Variants in TENM4 observed in about 807,000 individuals in gnomAD.
TENM4 encodes teneurin transmembrane protein 4.
A neutral mutation model predicts 243.3 loss-of-function variants in TENM4; 82 were observed. That is an observed-to-expected ratio of 0.34 (90% CI 0.28 to 0.40). TENM4 has a LOEUF of 0.40. Among genes scored for constraint, TENM4 ranks in the 10% least tolerant of loss-of-function variants. TENM4 has a pLI of 1.00. For synonymous variants in TENM4, 1,412 were observed against 1,456.3 expected (o/e 0.97, Z 0.69); for missense variants, 3,138 against 3,673.3 (o/e 0.85, Z 3.77).
At chr11:78,995,968 C>T (rs574506865) in intron 6 of TENM4, among the ~76,000 whole-genome samples, 1 of 152,132 alleles carries the variant, frequency 6.6e-6, no homozygotes, top group African/African-American at 2.4e-5. Context: ...TGAGCCTAAA[C>T]TGAGATCGCT....
rs535105837 is a variant in TENM4, at chr11:79,146,974, CACAA to C, written c.-66+1732_-66+1735del. ...AGGGTCAAAGATTCACACACATATGCACAAACACACACGTGTGCATGCACACACA... is the reference window on the plus strand; with the variant it reads ...AGGGTCAAAGATTCACACACATATGCACACACACGTGTGCATGCACACACA... On this transcript the variant is annotated intron_variant, in intron 4 of 33. Transcript: ENST00000278550. Among the ~76,000 whole-genome samples the C allele has an allele frequency of 2.9e-3, 448 of 152,220 alleles. 3 individuals carry two copies. The highest frequency in any genetic ancestry group is 0.01 in the African/African-American group (422 of 41,550).
At chr11:78,964,170 G>A (rs369721375) in intron 6 of TENM4, among the ~76,000 whole-genome samples, 1 of 151,398 alleles carries the variant, frequency 6.6e-6, no homozygotes. Context: ...AGCCTCCTGA[G>A]TAGCTGGGAC....
Position 78,708,527 on chromosome 11 carries a change from G to T in TENM4, c.4055-12C>A. 1.1e-5 allele frequency: 17 copies of T among 1,612,866 alleles called. No individual in the cohort carries two copies. Among genetic ancestry groups the T allele is most frequent in the Non-Finnish European group, 1.4e-5 (17 of 1,179,396 alleles). ...GTCCACTGTAATGCCTGGGGGCAGA[G>T]AAGCCAAAACAGGAACTCAGCATCA... On this transcript the variant is annotated splice_polypyrimidine_tract_variant and intron_variant, in intron 26 of 33. Transcript: ENST00000278550.
chr11:79,361,764 A>G (rs1284160525), intron 1 of TENM4, among the ~76,000 whole-genome samples: 1 of 151,640 alleles, frequency 6.6e-6, no homozygotes, highest in Non-Finnish European at 1.5e-5. Flanking sequence ...AAATATCGCA[A>G]CAGAAAAAAA....
At chr11:79,083,181 T>TGGAGGTGGGGC (rs1168862911) in intron 4 of TENM4, among the ~76,000 whole-genome samples, 7 of 152,082 alleles carry the variant, frequency 4.6e-5, no homozygotes, top group African/African-American at 1.7e-4. Context: ...GCTGCTGGGG[T>TGGAGGTGGGGC]GGAGGTGGGG....
At chr11:78,703,930 C>T (rs1790851693) in intron 27 of TENM4, among the ~76,000 whole-genome samples, 1 of 151,038 alleles carries the variant, frequency 6.6e-6, no homozygotes, top group African/African-American at 2.4e-5. Flanking sequence ...TGACTCACTG[C>T]AGCCTCCACC....
intron 5 of TENM4, among the ~76,000 whole-genome samples, chr11:79,065,673 C>T (rs997693913): frequency 6.6e-6 from 1 of 152,128 alleles, no homozygotes; most frequent in Non-Finnish European, 1.5e-5. Flanking sequence ...CAGCCTCACA[C>T]CAGGAAAAAG....
intron 6 of TENM4, among the ~76,000 whole-genome samples, chr11:78,909,521 A>G (rs549403568): frequency 1.5e-4 from 23 of 152,324 alleles, no homozygotes; most frequent in African/African-American, 5.1e-4. Context: ...TGTGCATTCA[A>G]TGAGTGAATG....
At chr11:79,191,878 C>T in intron 3 of TENM4, 3 of 174,062 alleles carry the variant, frequency 1.7e-5, no homozygotes, top group Non-Finnish European at 3.6e-5. Flanking sequence ...AAGTGAGGAG[C>T]CCCTCCGCCT....
intron 10 of TENM4, among the ~76,000 whole-genome samples, chr11:78,860,577 A>G (rs755273068): frequency 6.6e-6 from 1 of 152,232 alleles, no homozygotes; most frequent in Non-Finnish European, 1.5e-5. Flanking sequence ...GCATTGAGAT[A>G]TATCTAGGGG....
In TENM4 at chr11:78,906,867, G is replaced by C. The variant is rs145044271; in HGVS notation, c.494-3344C>G. ...ACACAGAGCCTAGAACTGAGCAGAT[G>C]CTCAATTAAGTTTATTGAATGAATA... On this transcript the variant is annotated intron_variant, in intron 6 of 33. Coordinates refer to ENST00000278550, the MANE Select transcript of TENM4 (RefSeq NM_001098816.3). 2.2e-3 allele frequency among the ~76,000 whole-genome samples: 338 copies of C among 152,298 alleles called. 1 individual carries two copies. Among genetic ancestry groups the C allele is most frequent in the South Asian group, 5.2e-3 (25 of 4,824 alleles).
chr11:79,179,386 G>C (rs1038087337), intron 3 of TENM4, among the ~76,000 whole-genome samples: 1 of 152,162 alleles, frequency 6.6e-6, no homozygotes, highest in African/African-American at 2.4e-5. Context: ...TTTCATACCA[G>C]AACAGCAGAG....
chr11:78,830,469 G>A (rs1040241249), intron 12 of TENM4, among the ~76,000 whole-genome samples: 3 of 152,200 alleles, frequency 2.0e-5, no homozygotes, highest in African/African-American at 2.4e-5. Flanking sequence ...AGGCTTCAAA[G>A]GAATGTAACG....
intron 1 of TENM4, among the ~76,000 whole-genome samples, chr11:79,346,227 G>T (rs1857323975): frequency 6.6e-6 from 1 of 152,190 alleles, no homozygotes; most frequent in Non-Finnish European, 1.5e-5. Flanking sequence ...AATGCCATTT[G>T]TTGATTCAGG....
At chr11:79,179,261 ACT>A (rs1030238026) in intron 3 of TENM4, among the ~76,000 whole-genome samples, 33 of 152,302 alleles carry the variant, frequency 2.2e-4, no homozygotes, top group African/African-American at 7.9e-4. Flanking sequence ...AGCACAGCAA[ACT>A]CTCTTAGGTC....
At chr11:79,167,655 G>A (rs1326707890) in intron 3 of TENM4, among the ~76,000 whole-genome samples, 1 of 152,206 alleles carries the variant, frequency 6.6e-6, no homozygotes, top group Non-Finnish European at 1.5e-5. Context: ...GGCTCCAGGT[G>A]AAGGGGATGG....
chr11:79,051,180 C>T (rs1859782359), intron 6 of TENM4, among the ~76,000 whole-genome samples: 1 of 152,262 alleles, frequency 6.6e-6, no homozygotes, highest in African/African-American at 2.4e-5. Flanking sequence ...ATAGCACTTC[C>T]TGTGTGCCAG....
rs138777473 is a variant in TENM4 at position 79,217,912 on chromosome 11, C to T, written c.-264-2003G>A. On this transcript the variant is annotated intron_variant, in intron 2 of 33. Transcript: ENST00000278550. ...TAATTTTTGTATTTAGATGGGGTTT[C>T]GCCATGTTGGCCAGGCTGGTCTTGG... is the stretch of plus-strand genomic sequence containing the variant. Among the ~76,000 whole-genome samples, 754 of 152,076 alleles carry T rather than the reference C, an allele frequency of 5.0e-3. 12 individuals are homozygous for T. Among genetic ancestry groups the T allele is most frequent in the East Asian group, 0.038 (196 of 5,162 alleles).
At chr11:79,313,291 C>T (rs1052639569) in intron 1 of TENM4, among the ~76,000 whole-genome samples, 7 of 152,172 alleles carry the variant, frequency 4.6e-5, no homozygotes, top group Admixed American at 4.6e-4. Context: ...GGGCTGCAGA[C>T]AAAGACAACT....
Sources: allele counts gnomAD v4.1 joint callset (sites outside exome capture counted in the v4.1 genomes callset), GRCh38; gene constraint gnomAD v4.1.1; transcripts MANE v1.5; gene names NCBI Gene and HGNC (gene_info 2026-07-23, HGNC 2026-07-21).